Variants in RGS6 observed in about 807,000 individuals in gnomAD.
RGS6 encodes the protein regulator of G-protein signaling 6.
Under a neutral mutation model 78.5 loss-of-function variants are expected in RGS6, and 30 were observed. The ratio of observed to expected loss-of-function variants is 0.38; its 90% CI spans 0.29 to 0.52. The LOEUF (loss-of-function observed/expected upper bound fraction) is 0.52, where lower values mean the gene tolerates loss of function less well. Among genes scored for constraint, RGS6 ranks in the 20% least tolerant of loss-of-function variants. The pLI is 0.85. For missense variants in RGS6, 495 were observed against 609.7 expected (o/e 0.81, Z 1.98); for synonymous variants, 206 against 206.0 (o/e 1.00, Z 0.00).
chr14:72,097,416 A>G (rs1461502350), intron 2 of RGS6, among the ~76,000 whole-genome samples: 2 of 152,218 alleles, frequency 1.3e-5, no homozygotes, highest in Admixed American at 1.3e-4. Flanking sequence ...GGCAGGTTAA[A>G]TCATTCTCTT....
the RGS6 span, among the ~76,000 whole-genome samples, chr14:71,899,599 G>A: frequency 1.3e-5 from 2 of 152,192 alleles, no homozygotes; most frequent in Non-Finnish European, 2.9e-5. Context: ...AGTAACCCAG[G>A]CCTAAACCAA....
At chr14:71,936,121 C>CATATGTAT (rs2089308318) in intron 1 of RGS6, among the ~76,000 whole-genome samples, 1 of 144,194 alleles carries the variant, frequency 6.9e-6, no homozygotes, top group African/African-American at 2.6e-5. Flanking sequence ...GTACATATAC[C>CATATGTAT]ATATATCTAT....
At chr14:72,052,983 T>TTCTTTCTTTCTTTC (rs1447550101) in intron 2 of RGS6, among the ~76,000 whole-genome samples, 17 of 85,624 alleles carry the variant, frequency 2.0e-4, no homozygotes, top group African/African-American at 8.0e-4. Context: ...CTTTCTTTCT[T>TTCTTTCTTTCTTTC]TCTCTCTCTC....
chr14:72,266,061 A>G (rs993609304), intron 2 of RGS6, among the ~76,000 whole-genome samples: 9 of 152,098 alleles, frequency 5.9e-5, no homozygotes, highest in African/African-American at 1.9e-4. Context: ...CTGTTTCCCT[A>G]TCATCACTCA....
intron 3 of RGS6, among the ~76,000 whole-genome samples, chr14:72,434,554 C>G (rs1275381059): frequency 1.3e-5 from 2 of 152,066 alleles, no homozygotes; most frequent in Non-Finnish European, 1.5e-5. Flanking sequence ...GTGAGCCCAG[C>G]TGTGAAGTTT....
intron 3 of RGS6, among the ~76,000 whole-genome samples, chr14:72,378,415 A>G (rs1165266745): frequency 1.3e-5 from 2 of 152,138 alleles, no homozygotes. Context: ...ATGAAATAAA[A>G]AGTTGGTTTT....
chr14:72,510,188 G>A lies in RGS6; in HGVS notation c.1000G>A (p.Gly334Ser). 6.2e-7 allele frequency: 1 copy of A among 1,612,892 alleles called. No homozygotes were observed. Among genetic ancestry groups the A allele is most frequent in the Non-Finnish European group, 8.5e-7 (1 of 1,179,684 alleles). ...CAGCCAACAGCGAGTAAAAAGATGG[G>A]GCTTCTCTTTCGATGAGATATTGAA... Reference protein sequence around the residue: ...EPSQQRVKRWGFSFDEILKDQ... With the variant: ...EPSQQRVKRWSFSFDEILKDQ... Residue 334 changes from glycine to serine, a missense_variant, in exon 14 of 18, where the codon GGC becomes AGC. By Grantham distance (56) the Gly-to-Ser change is moderately conservative. Coordinates refer to ENST00000553525, the MANE Select transcript of RGS6 (RefSeq NM_001204424.2).
chr14:72,451,010 T>C (rs895199897), intron 3 of RGS6, among the ~76,000 whole-genome samples: 3 of 152,142 alleles, frequency 2.0e-5, no homozygotes, highest in Non-Finnish European at 4.4e-5. Flanking sequence ...CACTCCTGGG[T>C]TGGTCCAAGG....
chr14:71,915,723 G>A, the RGS6 span, among the ~76,000 whole-genome samples: 4 of 152,270 alleles, frequency 2.6e-5, no homozygotes, highest in East Asian at 3.9e-4. Context: ...TGGGTCTCCC[G>A]TGCTCCCTGC....
At chr14:72,504,921 A>ATTTTTTTTTTTTTTTTT (rs34953560) in intron 13 of RGS6, among the ~76,000 whole-genome samples, 9 of 76,074 alleles carry the variant, frequency 1.2e-4, no homozygotes, top group African/African-American at 3.1e-4. Flanking sequence ...CGCCCAGCTA[A>ATTTTTTTTTTTTTTTTT]TTTTTTTTTT....
At chr14:72,351,947 A>C in intron 2 of RGS6, 148 bp from the exon 3 acceptor site, 8 of 613,146 alleles carry the variant, frequency 1.3e-5, no homozygotes, top group Non-Finnish European at 2.3e-5. Context: ...GCAGATACTG[A>C]TGCTGTATTT....
chr14:71,892,714 A>G, the RGS6 span, among the ~76,000 whole-genome samples: 10 of 152,388 alleles, frequency 6.6e-5, no homozygotes, highest in Non-Finnish European at 7.3e-5. Context: ...CACTGAGACT[A>G]CAGTGGGGTT....
chr14:72,299,148 C>T (rs1344022969), intron 2 of RGS6, among the ~76,000 whole-genome samples: 3 of 152,146 alleles, frequency 2.0e-5, no homozygotes, highest in Non-Finnish European at 2.9e-5. Context: ...ATATAACTCA[C>T]ATATAACACA....
chr14:72,599,824 C>A, the RGS6 span, among the ~76,000 whole-genome samples: 1 of 152,018 alleles, frequency 6.6e-6, no homozygotes, highest in Non-Finnish European at 1.5e-5. Context: ...GTGGTAAGCC[C>A]TGAGACCAGC....
At chr14:72,408,051 C>CA (rs35160172) in intron 3 of RGS6, among the ~76,000 whole-genome samples, 1 of 152,132 alleles carries the variant, frequency 6.6e-6, no homozygotes, top group Non-Finnish European at 1.5e-5. Context: ...GATATGCTCC[C>CA]AAAAAAGTTG....
chr14:71,883,560 G>T, the RGS6 span, among the ~76,000 whole-genome samples: 1 of 152,152 alleles, frequency 6.6e-6, no homozygotes. Flanking sequence ...GTACTATAAG[G>T]CTGAGACCTA....
chr14:71,950,767 G>C (rs112893155), intron 1 of RGS6, among the ~76,000 whole-genome samples: 42,374 of 151,980 alleles, frequency 0.28, 6,495 homozygotes, highest in Admixed American at 0.35. Context: ...ACAGACACTT[G>C]TCAAAAGAAG....
chr14:72,388,938 A>G (rs1238714626), intron 3 of RGS6, among the ~76,000 whole-genome samples: 1 of 151,306 alleles, frequency 6.6e-6, no homozygotes, highest in Non-Finnish European at 1.5e-5. Context: ...TGTATACTGT[A>G]AGTGATTCCC....
At chr14:71,880,145 A>G in the RGS6 span, among the ~76,000 whole-genome samples, 2 of 152,188 alleles carry the variant, frequency 1.3e-5, no homozygotes, top group Non-Finnish European at 2.9e-5. Flanking sequence ...TTTGAACTTG[A>G]GGGAGATGAT....
Sources: gnomAD v4.1 joint callset for allele counts (sites outside exome capture counted in the v4.1 genomes callset) on GRCh38, gnomAD v4.1.1 for gene constraint, MANE v1.5 for transcripts, NCBI Gene and HGNC (gene_info 2026-07-23, HGNC 2026-07-21) for gene names.